Variants in SPATA18 observed in about 807,000 individuals in gnomAD.
SPATA18 encodes the protein mitochondria-eating protein.
In SPATA18, 54 loss-of-function variants were observed where a neutral mutation model predicts 68.1. The observed-to-expected ratio is 0.79, with a 90% CI of 0.64 to 0.99. The LOEUF is 0.99. Ranked by LOEUF, SPATA18 falls within the 50% of genes least tolerant of loss-of-function variation. The pLI, the probability that SPATA18 is intolerant of heterozygous loss-of-function variation, is 0.00. For missense variants in SPATA18, 724 were observed against 681.1 expected, an observed-to-expected ratio of 1.06 and a Z score of -0.70; for synonymous variants, 242 against 244.8, an observed-to-expected ratio of 0.99 and a Z score of 0.11.
chr4:52,052,190 C>T (rs1469930018), intron 1 of SPATA18, among the ~76,000 whole-genome samples: 1 of 152,166 alleles, frequency 6.6e-6, no homozygotes, highest in Non-Finnish European at 1.5e-5. Context: ...TCCCCAATCC[C>T]GAATTATTTT....
At chr4:52,070,883 G>T (rs1056382339) in intron 5 of SPATA18, among the ~76,000 whole-genome samples, 2 of 74,458 alleles carry the variant, frequency 2.7e-5, no homozygotes, top group South Asian at 1.2e-3. Flanking sequence ...GAGTAAGTGG[G>T]GGGGGGGGTG....
chr4:52,078,379 T>C (rs1173381431), intron 7 of SPATA18: 3 of 164,348 alleles, frequency 1.8e-5, no homozygotes, highest in Non-Finnish European at 2.6e-5. Context: ...GTTTATAACA[T>C]AAACACTAGA....
At position 52,072,026 on chromosome 4, in the gene SPATA18, C is replaced by T. The variant is rs1362042352; in HGVS notation, c.628C>T (p.Gln210Ter). ...GAGCTTGGAGGAGCGGAAGCGTGAG[C>T]AGTGGAACTCACTCAAGCAGAATGC... ...PWSLEERKREQWNSLKQNADQ... is the reference protein window; with the variant it reads ...PWSLEERKRE Residue 210 changes from glutamine (Q) to a stop codon, truncating the protein, a stop_gained, in exon 6 of 13, where the codon CAG becomes TAG. Transcript: ENST00000295213. LOFTEE classifies it high-confidence loss of function. 2.5e-6 allele frequency: 4 copies of T among 1,613,746 alleles called. No homozygotes were observed. The highest frequency in any genetic ancestry group is 2.5e-6 in the Non-Finnish European group (3 of 1,180,010).
At position 52,095,418 on chromosome 4, in the gene SPATA18, A is replaced by G. The variant is rs1321297701; in HGVS notation, c.*531A>G. The G allele has an allele frequency of 6.5e-6, 1 of 153,500 alleles. No homozygotes were observed. The highest frequency in any genetic ancestry group is 1.4e-5 in the Non-Finnish European group (1 of 69,032). The allele number at this position is 153,500 out of a possible 1,614,324, so 9.5% of individuals were successfully genotyped here. ...AGCTCATGTTAGTAGCAGTGACTTA[A>G]GGCTAAGTGTAGAAGATAATTTAAG... On this transcript the variant is annotated 3_prime_UTR_variant, in exon 13 of 13. Transcript: ENST00000295213.
Position 52,068,491 on chromosome 4 carries a change from A to G in SPATA18, c.423-1330A>G, listed in dbSNP as rs150945429. Among the ~76,000 whole-genome samples the G allele has an allele frequency of 1.1e-4, 17 of 152,346 alleles. No homozygotes were observed. In the East Asian group the frequency reaches 3.1e-3, roughly 28 times the overall value. The stretch of plus-strand genomic sequence containing the variant: ...GGGGAAACAAAGTTTTCTTGGGAGA[A>G]TTGGGGATACTATGTGGAAGGCCCT... On this transcript the variant is annotated intron_variant, in intron 4 of 12. Transcript: ENST00000295213.
At chr4:52,081,652 A>G (rs1298177627) in intron 9 of SPATA18, among the ~76,000 whole-genome samples, 1 of 152,226 alleles carries the variant, frequency 6.6e-6, no homozygotes, top group African/African-American at 2.4e-5. Context: ...CATTTTGAAT[A>G]CAACTGAAAC....
chr4:52,084,829 A>T lies in SPATA18; in HGVS notation c.1480-87A>T. ...GTGTAATCACATAAGTAAAACTCTT[A>T]TTCTGTGGGATATGCATGTTGTTTT... On this transcript the variant is annotated intron_variant, in intron 10 of 12. Coordinates refer to ENST00000295213, the MANE Select transcript of SPATA18 (RefSeq NM_145263.4). 2.3e-6 allele frequency: 3 copies of T among 1,281,186 alleles called. No individual in the cohort carries two copies. In the South Asian group the frequency reaches 3.7e-5, roughly 16 times the overall value. 79.4% of individuals were successfully genotyped at this position (1,281,186 alleles called of 1,614,324 possible).
chr4:52,057,780 C>A (rs1738477968), intron 1 of SPATA18, among the ~76,000 whole-genome samples: 1 of 152,206 alleles, frequency 6.6e-6, no homozygotes, highest in African/African-American at 2.4e-5. Flanking sequence ...CTGCATGCTA[C>A]CTCATAGGTG....
intron 8 of SPATA18, 88 bp from the exon 9 acceptor site, chr4:52,079,656 C>T: frequency 1.4e-6 from 2 of 1,435,108 alleles, no homozygotes; most frequent in Non-Finnish European, 1.9e-6. Flanking sequence ...TCTCTTTTCC[C>T]ACCTCCCATC....
At position 52,062,241 on chromosome 4, in the gene SPATA18, C is replaced by T. The variant is rs754073644; in HGVS notation, c.331C>T (p.His111Tyr). 1 of 1,565,610 alleles carries T rather than the reference C, an allele frequency of 6.4e-7. No homozygotes were observed. The highest frequency in any genetic ancestry group is 1.1e-5 in the South Asian group (1 of 87,180). ...SLQDTFDRER[H>Y]KDPSPRDRDM... ...CCAGGACACGTTTGATAGGGAGAGA[C>T]ATAAAGATCCCAGTCCTCGGGATCG... is the stretch of plus-strand genomic sequence containing the variant. The change falls in exon 4 of 13, where the codon CAT (histidine) becomes TAT (tyrosine). Residue 111 changes from histidine to tyrosine, a missense_variant. Coordinates refer to ENST00000295213, the MANE Select transcript of SPATA18 (RefSeq NM_145263.4).
At position 52,060,419 on chromosome 4, in the gene SPATA18, A is replaced by G. The variant is rs200441243; in HGVS notation, c.88A>G (p.Thr30Ala). 6.7e-5 allele frequency: 108 copies of G among 1,613,720 alleles called. No individual in the cohort carries two copies. The highest frequency in any genetic ancestry group is 1.0e-4 in the Admixed American group (6 of 59,940). The stretch of plus-strand genomic sequence containing the variant: ...GTTATCTACTGTTTTGCCCTTGCAG[A>G]CAAACACGTGTGATCAAAATCTAAA... ...KLDFWLKEYN[T>A]NTCDQNLNHC... Residue 30 changes from threonine (T) to alanine (A), a missense_variant and splice_region_variant, in exon 2 of 13, where the codon ACA (threonine) becomes GCA (alanine). Thr to Ala is a moderately conservative substitution (Grantham distance 58). Coordinates refer to ENST00000295213, the MANE Select transcript of SPATA18 (RefSeq NM_145263.4).
At chr4:52,094,467 G>T (rs1742254932) in intron 11 of SPATA18, 60 bp from the exon 12 acceptor site, 5 of 1,551,724 alleles carry the variant, frequency 3.2e-6, no homozygotes, top group Non-Finnish European at 4.4e-6. Flanking sequence ...TATGTCAAAA[G>T]AATTCATCCT....
chr4:52,089,195 A>G (rs756952882), intron 11 of SPATA18, among the ~76,000 whole-genome samples: 2 of 152,098 alleles, frequency 1.3e-5, no homozygotes, highest in Non-Finnish European at 2.9e-5. Context: ...TAGTCTGGCT[A>G]GCAGTATATC....
Position 52,072,154 on chromosome 4 carries a change from A to C in SPATA18, c.756A>C (p.Gly252=). ...VLSAEKSALQ[G]RSSRSRSPSP... ...CTGCTGAGAAAAGTGCACTCCAAGG[A>C]AGGTCAGACAAACTCTCAAAGATCT... Residue 252 remains glycine (G), a splice_region_variant and synonymous_variant, in exon 6 of 13, where the codon GGA becomes GGC. Coordinates refer to ENST00000295213, the MANE Select transcript of SPATA18 (RefSeq NM_145263.4). 2 of 1,613,758 alleles carry C rather than the reference A, an allele frequency of 1.2e-6. No individual in the cohort carries two copies. Among genetic ancestry groups the C allele is most frequent in the East Asian group, 2.2e-5 (1 of 44,852 alleles).
chr4:52,068,817 G>A (rs1208541600), intron 4 of SPATA18, among the ~76,000 whole-genome samples: 2 of 152,116 alleles, frequency 1.3e-5, no homozygotes, highest in East Asian at 3.9e-4. Flanking sequence ...CTGTTCTGGG[G>A]CAACTTCATT....
In SPATA18 at chr4:52,077,244, TTCCCTCCATCCC is replaced by T. The variant is rs1363732638; in HGVS notation, c.1020+212_1020+223del. On this transcript the variant is annotated intron_variant, in intron 7 of 12. Transcript: ENST00000295213. ...TCCTATTTCCTTCCTTCCTTCCTTG[TTCCCTCCATCCC>T]TCCCTCCCTCCCTCCTTTCTTTCCT... Among the ~76,000 whole-genome samples, 12 of 147,404 alleles carry T rather than the reference TTCCCTCCATCCC, an allele frequency of 8.1e-5. No individual in the cohort carries two copies. The East Asian group carries it at 1.9e-3, about 23-fold the overall frequency.
rs1230916672 is a variant in SPATA18, at chr4:52,095,979, C to A, written c.*1092C>A. 1 of 152,182 alleles carries A rather than the reference C, an allele frequency of 6.6e-6. No homozygotes were observed. The highest frequency in any genetic ancestry group is 6.6e-5 in the Admixed American group (1 of 15,260). 9.4% of individuals were successfully genotyped at this position (152,182 alleles called of 1,614,324 possible). On this transcript the variant is annotated 3_prime_UTR_variant, in exon 13 of 13. Coordinates refer to ENST00000295213, the MANE Select transcript of SPATA18 (RefSeq NM_145263.4). ...CAGCCTTAAACACATGCCTCACAAA[C>A]ATCTACTTTCTCCACATACCTTTGA...
At chr4:52,072,474 C>T (rs1204319376) in intron 6 of SPATA18, among the ~76,000 whole-genome samples, 2 of 152,104 alleles carry the variant, frequency 1.3e-5, no homozygotes, top group Admixed American at 6.5e-5. Context: ...ATGATCTCGG[C>T]TCACTGCAAC....
chr4:52,054,114 G>A (rs1404316302), intron 1 of SPATA18, among the ~76,000 whole-genome samples: 1 of 152,196 alleles, frequency 6.6e-6, no homozygotes, highest in Non-Finnish European at 1.5e-5. Flanking sequence ...TGTCCAATAA[G>A]GTGACTATTG....
Sources: allele counts gnomAD v4.1 joint callset (sites outside exome capture counted in the v4.1 genomes callset), GRCh38; gene constraint gnomAD v4.1.1; transcripts MANE v1.5; gene names NCBI Gene and HGNC (gene_info 2026-07-23, HGNC 2026-07-21).